The following PARP16 variants were observed in gnomAD, a reference collection of about 807,000 sequenced individuals.
PARP16 encodes the protein poly(ADP-ribose) polymerase family member 16, also known as protein mono-ADP-ribosyltransferase PARP16.
In PARP16, 31 loss-of-function variants were observed where a neutral mutation model predicts 35.0. That is an observed-to-expected ratio of 0.88 (90% CI 0.66 to 1.19). The LOEUF (loss-of-function observed/expected upper bound fraction) is 1.19, where lower values mean the gene tolerates loss of function less well. Ranked by LOEUF, PARP16 falls within the 50% of genes most tolerant of loss-of-function variation. PARP16 has a pLI of 0.00. For missense variants in PARP16, 424 were observed against 411.2 expected (o/e 1.03, Z -0.27); for synonymous variants, 162 against 169.5 (o/e 0.96, Z 0.34).
chr15:65,233,829 G>GT (rs1183677820), downstream of PARP16, among the ~76,000 whole-genome samples: 1 of 152,018 alleles, frequency 6.6e-6, no homozygotes. Flanking sequence ...GCAAAAGTCA[G>GT]TTTCGTTGCG....
chr15:65,235,124 AC>A (rs2088841776), intron 3 of PARP16, among the ~76,000 whole-genome samples: 1 of 152,002 alleles, frequency 6.6e-6, no homozygotes, highest in African/African-American at 2.4e-5. Flanking sequence ...GTGCAAACGT[AC>A]CCTAGAACTT....
intron 3 of PARP16, among the ~76,000 whole-genome samples, chr15:65,235,309 C>T (rs115895813): frequency 3.3e-5 from 5 of 149,424 alleles, no homozygotes; most frequent in Non-Finnish European, 7.4e-5. Flanking sequence ...TCCGTCCCCC[C>T]CAAAAAAAAT....
intron 2 of PARP16, among the ~76,000 whole-genome samples, chr15:65,248,573 T>TA (rs1029225868): frequency 6.6e-6 from 1 of 152,130 alleles, no homozygotes. Flanking sequence ...TGCAGCTGCC[T>TA]ACACACACAA....
chr15:65,267,116 C>T lies in PARP16; in HGVS notation c.313-348G>A, dbSNP rs761288307. Among the ~76,000 whole-genome samples, 316 of 152,010 alleles carry T rather than the reference C, an allele frequency of 2.1e-3. 1 individual carries two copies. Among genetic ancestry groups the T allele is most frequent in the Non-Finnish European group, 1.8e-3 (121 of 68,000 alleles). On this transcript the variant is annotated intron_variant, in intron 2 of 5. Transcript: ENST00000649807. Reference sequence around the variant, plus strand: ...ATTAGCCGGGTGTGGCAGTGCACACCTTTAGTCCCAGCTACTTAGGAGGCT... The same window carrying T: ...ATTAGCCGGGTGTGGCAGTGCACACTTTTAGTCCCAGCTACTTAGGAGGCT...
chr15:65,269,205 T>TCTCTCTCTCTCTC (rs1567029678), intron 2 of PARP16, among the ~76,000 whole-genome samples: 11 of 147,280 alleles, frequency 7.5e-5, no homozygotes, highest in African/African-American at 2.8e-4. Flanking sequence ...TCTTTCTTTC[T>TCTCTCTCTCTCTC]TTTTTTTTTG....
intron 5 of PARP16, 59 bp from the exon 6 acceptor site, chr15:65,259,601 T>C (rs2089633755): frequency 2.0e-6 from 3 of 1,514,230 alleles, no homozygotes; most frequent in African/African-American, 2.7e-5. Context: ...TTTTTTTAAG[T>C]GTGTACAACA....
At chr15:65,280,126 G>A (rs1039355376) in intron 1 of PARP16, among the ~76,000 whole-genome samples, 6 of 151,848 alleles carry the variant, frequency 4.0e-5, no homozygotes, top group South Asian at 2.1e-4. Flanking sequence ...AATAAGCATC[G>A]AAAGCCTTCC....
chr15:65,263,322 T>C lies in PARP16; in HGVS notation c.520-2A>G. ...GGTCCCCTCTCCGAACAAGGATGTCTGCAACAGCAAGGCCAATGGAAAAGA... is the reference window on the plus strand; with the variant it reads ...GGTCCCCTCTCCGAACAAGGATGTCCGCAACAGCAAGGCCAATGGAAAAGA... On this transcript the variant is annotated splice_acceptor_variant, in intron 3 of 5. Transcript: ENST00000649807. LOFTEE classifies it high-confidence loss of function. 1 of 1,574,784 alleles carries C rather than the reference T, an allele frequency of 6.4e-7. No individual in the cohort carries two copies. The highest frequency in any genetic ancestry group is 8.6e-7 in the Non-Finnish European group (1 of 1,159,878).
In PARP16 at chr15:65,235,834, T is replaced by TA. The variant is rs144070210; in HGVS notation, c.*98-1012dup. ...TGGGCGACAGAGTGAGACCCTGTCT[T>TA]AAAAAAAAAAAAAAATTGCAGATAT... On this transcript the variant is annotated intron_variant and NMD_transcript_variant, in intron 3 of 3. Transcript: ENST00000559805. Among the ~76,000 whole-genome samples, 657 of 126,168 alleles carry TA rather than the reference T, an allele frequency of 5.2e-3. 1 individual carries two copies. Among genetic ancestry groups the TA allele is most frequent in the African/African-American group, 6.9e-3 (232 of 33,830 alleles). 82.8% of individuals were successfully genotyped at this position (126,168 alleles called of 152,430 possible).
chr15:65,261,541 T>C (rs1156421179), intron 4 of PARP16, among the ~76,000 whole-genome samples: 1 of 151,670 alleles, frequency 6.6e-6, no homozygotes, highest in African/African-American at 2.4e-5. Context: ...CTACAACCTC[T>C]GCCTCCCGGG....
At position 65,259,275 on chromosome 15, in the gene PARP16, A is replaced by T. The variant is rs1946237648; in HGVS notation, c.*132T>A. 7.6e-6 allele frequency: 6 copies of T among 787,180 alleles called. No homozygotes were observed. Among genetic ancestry groups the T allele is most frequent in the Middle Eastern group, 3.5e-4 (1 of 2,862 alleles). The allele number at this position is 787,180 out of a possible 1,614,324, so 48.8% of individuals were successfully genotyped here. A position where few individuals can be genotyped will look rare whatever the true frequency, so the allele number is the denominator to read the frequency against. ...CAAAGGCAATGGATACATTTAGGCCATATGAAAATTGTCCTGTGGTCCCCC... is the reference window on the plus strand; with the variant it reads ...CAAAGGCAATGGATACATTTAGGCCTTATGAAAATTGTCCTGTGGTCCCCC... On this transcript the variant is annotated 3_prime_UTR_variant, in exon 6 of 6. Transcript: ENST00000649807.
At chr15:65,240,394 G>A (rs2089037909) in intron 3 of PARP16, among the ~76,000 whole-genome samples, 1 of 148,710 alleles carries the variant, frequency 6.7e-6, no homozygotes, top group Non-Finnish European at 1.5e-5. Flanking sequence ...ACAACGCCCG[G>A]CCAATTTTTT....
At chr15:65,240,839 T>G (rs1423793336) in intron 3 of PARP16, among the ~76,000 whole-genome samples, 1 of 152,108 alleles carries the variant, frequency 6.6e-6, no homozygotes, top group Non-Finnish European at 1.5e-5. Flanking sequence ...CTGTTTCTAT[T>G]TTTATTGTTT....
chr15:65,268,739 C>T (rs10467935), intron 2 of PARP16, among the ~76,000 whole-genome samples: 61,183 of 151,900 alleles, frequency 0.4, 13,979 homozygotes, highest in East Asian at 0.86. Context: ...CCACTGCCCC[C>T]TAGTCCATTT....
intron 5 of PARP16, 61 bp from the exon 6 acceptor site, chr15:65,259,603 T>C (rs1003714265): frequency 3.9e-5 from 58 of 1,505,804 alleles, no homozygotes; most frequent in Non-Finnish European, 5.3e-5. Context: ...TTTTTAAGTG[T>C]GTACAACAAG....
At chr15:65,266,471 G>T in intron 3 of PARP16, 91 bp downstream of exon 3, 1 of 1,100,896 alleles carries the variant, frequency 9.1e-7, no homozygotes, top group Non-Finnish European at 1.4e-6. Flanking sequence ...GACCCCACCT[G>T]CAAACTCCTA....
intron 3 of PARP16, among the ~76,000 whole-genome samples, chr15:65,263,985 T>C (rs12440496): frequency 0.22 from 33,628 of 151,866 alleles, 4,521 homozygotes; most frequent in Admixed American, 0.31. Flanking sequence ...CTCTCACAAA[T>C]AAATAAAAAC....
intron 2 of PARP16, among the ~76,000 whole-genome samples, chr15:65,251,796 G>A (rs1414138056): frequency 6.6e-6 from 1 of 151,490 alleles, no homozygotes; most frequent in Non-Finnish European, 1.5e-5. Context: ...ATGGAATCTC[G>A]CTCTGTCGCC....
rs552395617 is a variant in PARP16, at chr15:65,259,265, C to G, written c.*142G>C. On this transcript the variant is annotated 3_prime_UTR_variant, in exon 6 of 6. Coordinates refer to ENST00000649807, the MANE Select transcript of PARP16 (RefSeq NM_001316943.2). Reference sequence around the variant, plus strand: ...GGAACATCATCAAAGGCAATGGATACATTTAGGCCATATGAAAATTGTCCT... The same window carrying G: ...GGAACATCATCAAAGGCAATGGATAGATTTAGGCCATATGAAAATTGTCCT... 8.0e-6 allele frequency: 6 copies of G among 749,334 alleles called. No individual in the cohort carries two copies. Among genetic ancestry groups the G allele is most frequent in the Non-Finnish European group, 1.4e-5 (6 of 426,800 alleles). 46.4% of individuals were successfully genotyped at this position (749,334 alleles called of 1,614,324 possible). A position where few individuals can be genotyped will look rare whatever the true frequency, so the allele number is the denominator to read the frequency against.
Sources: gnomAD v4.1 joint callset for allele counts (sites outside exome capture counted in the v4.1 genomes callset) on GRCh38, gnomAD v4.1.1 for gene constraint, MANE v1.5 for transcripts, NCBI Gene and HGNC (gene_info 2026-07-23, HGNC 2026-07-21) for gene names.